ANOS1: variants seen among roughly 807,000 people sequenced by gnomAD.
The protein encoded by ANOS1 is anosmin 1.
ANOS1 carries 6 observed loss-of-function variants against 59.0 expected under a neutral mutation model. The observed-to-expected ratio is 0.10, with a 90% CI of 0.06 to 0.20. The LOEUF (loss-of-function observed/expected upper bound fraction) is 0.20. Ranked by LOEUF, ANOS1 falls within the 10% of genes least tolerant of loss-of-function variation. The pLI is 1.00. For missense variants in ANOS1, 433 were observed against 542.3 expected (o/e 0.80, Z 2.00); for synonymous variants, 217 against 223.4 (o/e 0.97, Z 0.25).
chrX:8,554,563 T>TG (rs1569047184), intron 8 of ANOS1, among the ~76,000 whole-genome samples: 27 of 99,927 alleles, frequency 2.7e-4, no homozygotes, highest in African/African-American at 9.9e-4. Context: ...TTTTTTTTTT[T>TG]TTTTTTTGTT....
chrX:8,559,066 C>T (rs1222995879), intron 8 of ANOS1, among the ~76,000 whole-genome samples: 1 of 111,649 alleles, frequency 9.0e-6, no homozygotes, highest in Non-Finnish European at 1.9e-5. Flanking sequence ...AGTTTTTGTA[C>T]CTGAGGGACT....
intron 4 of ANOS1, among the ~76,000 whole-genome samples, chrX:8,590,937 A>G (rs1202696759): frequency 8.9e-6 from 1 of 112,068 alleles, no homozygotes; most frequent in African/African-American, 3.2e-5. Context: ...TATTACTCAC[A>G]TGTACATTCA....
chrX:8,657,518 G>A (rs1302577309), intron 2 of ANOS1, among the ~76,000 whole-genome samples: 1 of 103,904 alleles, frequency 9.6e-6, no homozygotes, highest in Non-Finnish European at 2.0e-5. Flanking sequence ...GCCCAGGCTG[G>A]AGTGCAGTGG....
chrX:8,549,115 C>T (rs748643677), intron 9 of ANOS1, among the ~76,000 whole-genome samples: 1 of 111,886 alleles, frequency 8.9e-6, no homozygotes, highest in Non-Finnish European at 1.9e-5. Context: ...ATCAAGTCCA[C>T]AATTTCATGC....
intron 2 of ANOS1, among the ~76,000 whole-genome samples, chrX:8,690,695 A>C (rs1056783456): frequency 2.7e-5 from 3 of 111,987 alleles, no homozygotes; most frequent in Non-Finnish European, 5.6e-5. Flanking sequence ...CTCACTCGAT[A>C]AATTTCACAG....
chrX:8,713,416 G>C (rs1233751195), intron 1 of ANOS1, among the ~76,000 whole-genome samples: 1 of 110,033 alleles, frequency 9.1e-6, no homozygotes, highest in Non-Finnish European at 1.9e-5. Flanking sequence ...AGCCTCACCT[G>C]GAAGCTTTTG....
At chrX:8,667,698 G>A (rs1462845498) in intron 2 of ANOS1, among the ~76,000 whole-genome samples, 3 of 111,332 alleles carry the variant, frequency 2.7e-5, no homozygotes, top group East Asian at 5.6e-4. Context: ...GCCGTATGGG[G>A]GTTGCTTCTT....
At chrX:8,626,556 A>G (rs1931396872) in intron 2 of ANOS1, among the ~76,000 whole-genome samples, 1 of 111,622 alleles carries the variant, frequency 9.0e-6, no homozygotes, top group South Asian at 3.7e-4. Flanking sequence ...GTAATGAAAC[A>G]TTGTTTAAAA....
chrX:8,539,055 TGTTA>T (rs1242454409), intron 10 of ANOS1, among the ~76,000 whole-genome samples: 2 of 111,876 alleles, frequency 1.8e-5, no homozygotes, highest in Middle Eastern at 4.6e-3. Context: ...AAATATTTTG[TGTTA>T]GTTTGTTGAT....
At chrX:8,661,906 G>A (rs895268638) in intron 2 of ANOS1, among the ~76,000 whole-genome samples, 1 of 111,525 alleles carries the variant, frequency 9.0e-6, no homozygotes, top group Non-Finnish European at 1.9e-5. Context: ...ACATCCTCTC[G>A]GGGAAACTGC....
At chrX:8,687,663 GA>G (rs1207201556) in intron 2 of ANOS1, among the ~76,000 whole-genome samples, 1 of 109,816 alleles carries the variant, frequency 9.1e-6, no homozygotes, top group Non-Finnish European at 1.9e-5. Flanking sequence ...TTTGAGTAGT[GA>G]ATCTTACAAG....
At chrX:8,592,461 A>C (rs1930638777) in intron 4 of ANOS1, among the ~76,000 whole-genome samples, 1 of 112,181 alleles carries the variant, frequency 8.9e-6, no homozygotes, top group Admixed American at 9.5e-5. Flanking sequence ...TGGCAAAAGG[A>C]AACTATAGGT....
At chrX:8,562,992 TG>T (rs1930056242) in intron 8 of ANOS1, among the ~76,000 whole-genome samples, 1 of 112,575 alleles carries the variant, frequency 8.9e-6, no homozygotes, top group Non-Finnish European at 1.9e-5. Context: ...AGTTGGTTCA[TG>T]ATGAAATATA....
intron 2 of ANOS1, among the ~76,000 whole-genome samples, chrX:8,623,951 G>A (rs1931342561): frequency 9.1e-6 from 1 of 109,963 alleles, no homozygotes; most frequent in Admixed American, 9.7e-5. Context: ...GTCACCATCA[G>A]CTGGAGGAAT....
At chrX:8,686,422 G>A (rs749327281) in intron 2 of ANOS1, among the ~76,000 whole-genome samples, 2 of 111,475 alleles carry the variant, frequency 1.8e-5, no homozygotes, top group Admixed American at 1.9e-4. Flanking sequence ...ATGAGATAAA[G>A]GGAAATTAAA....
At chrX:8,579,930 C>T (rs1423083803) in intron 6 of ANOS1, among the ~76,000 whole-genome samples, 2 of 112,077 alleles carry the variant, frequency 1.8e-5, no homozygotes, top group Non-Finnish European at 3.8e-5. Flanking sequence ...TTCCTACCTA[C>T]CACATTCTTG....
At chrX:8,566,302 C>A in intron 8 of ANOS1, 2 of 721,346 alleles carry the variant, frequency 2.8e-6, no homozygotes, top group Non-Finnish European at 3.3e-6. Flanking sequence ...AACCAAAATA[C>A]ATCATCGTGC....
chrX:8,568,366 G>A lies in ANOS1; in HGVS notation c.1073C>T (p.Ser358Phe). The A allele has an allele frequency of 8.3e-7, 1 of 1,209,595 alleles. No homozygotes were observed. Among genetic ancestry groups the A allele is most frequent in the Non-Finnish European group, 1.1e-6 (1 of 893,899 alleles). The change falls in exon 8 of 14, where the codon TCT becomes TTT. Residue 358 changes from serine (S) to phenylalanine (F), a missense_variant. Coordinates refer to ENST00000262648, the MANE Select transcript of ANOS1 (RefSeq NM_000216.4). ...RRKTTDGFQN[S>F]VILEKLQPDC... ...TGGCTGGAGTTTCTCCAGGATCACA[G>A]AATTTTGAAACTAGAAATTAAGAGA...
intron 2 of ANOS1, 68 bp downstream of exon 2, chrX:8,699,627 TTAC>T (rs1932732892): frequency 1.2e-6 from 1 of 832,939 alleles, no homozygotes; most frequent in Non-Finnish European, 1.7e-6. Flanking sequence ...TCTTTGCAAC[TTAC>T]TGTGAATCTA....
Sources: gnomAD v4.1 joint callset for allele counts (sites outside exome capture counted in the v4.1 genomes callset) on GRCh38, gnomAD v4.1.1 for gene constraint, MANE v1.5 for transcripts, NCBI Gene and HGNC (gene_info 2026-07-23, HGNC 2026-07-21) for gene names.